Variants in BAHCC1 observed in about 807,000 individuals in gnomAD.
BAHCC1 encodes BAH and coiled-coil domain-containing protein 1.
A neutral mutation model predicts 88.2 loss-of-function variants in BAHCC1; 43 were observed. That is an observed-to-expected ratio of 0.49 (90% CI 0.38 to 0.63). BAHCC1 has a LOEUF of 0.63. Ranked by LOEUF, BAHCC1 falls within the 20% of genes least tolerant of loss-of-function variation. The pLI is 0.00. For synonymous variants in BAHCC1, 1,510 were observed against 745.5 expected, an observed-to-expected ratio of 2.03 and a Z score of -16.71; for missense variants, 3,023 against 1,654.8, an observed-to-expected ratio of 1.83 and a Z score of -14.34.
intron 2 of BAHCC1, among the ~76,000 whole-genome samples, chr17:81,419,210 G>GGTTGTTTT (rs2064081766): frequency 6.6e-6 from 1 of 152,202 alleles, no homozygotes; most frequent in African/African-American, 2.4e-5. Context: ...CCTGGTGCGG[G>GGTTGTTTT]CGGAGGTCCC....
At position 81,459,361 on chromosome 17, in the gene BAHCC1, G is replaced by T. The variant is rs1444401589; in HGVS notation, c.5796+33G>T. Reference sequence around the variant, plus strand: ...CCGGGCCGGCCCGCCCCGGGGAGGGGCCTGGCTGGCTTGTCCCAGGACAAA... The same window carrying T: ...CCGGGCCGGCCCGCCCCGGGGAGGGTCCTGGCTGGCTTGTCCCAGGACAAA... On this transcript the variant is annotated intron_variant, in intron 22 of 27. Coordinates refer to ENST00000675386, the MANE Select transcript of BAHCC1 (RefSeq NM_001377448.1). 65 of 770,460 alleles carry T rather than the reference G, an allele frequency of 8.4e-5. 1 individual carries two copies. In the Admixed American group the frequency reaches 1.1e-3, roughly 13 times the overall value. The allele number at this position is 770,460 out of a possible 1,614,324, so 47.7% of individuals were successfully genotyped here. A position where few individuals can be genotyped will look rare whatever the true frequency, so the allele number is the denominator to read the frequency against.
intron 2 of BAHCC1, chr17:81,407,320 G>T (rs2063893318): frequency 1.9e-6 from 1 of 519,740 alleles, no homozygotes; most frequent in South Asian, 1.4e-5. Context: ...AAAAAGAGAA[G>T]CCTTAGCCAT....
Position 81,464,134 on chromosome 17 carries a change from T to G in BAHCC1, c.*317T>G, listed in dbSNP as rs2143681548. On this transcript the variant is annotated 3_prime_UTR_variant, in exon 28 of 28. Coordinates refer to ENST00000675386, the MANE Select transcript of BAHCC1 (RefSeq NM_001377448.1). ...ACGGGAGATTTGAATCCAAGCCATA[T>G]TCCCTAGTACCTCCGACTGTCTCCC... 5 of 461,210 alleles carry G rather than the reference T, an allele frequency of 1.1e-5. No homozygotes were observed. Among genetic ancestry groups the G allele is most frequent in the Non-Finnish European group, 1.6e-5 (4 of 251,024 alleles). The allele number at this position is 461,210 out of a possible 1,614,324, so 28.6% of individuals were successfully genotyped here.
intron 23 of BAHCC1, 86 bp downstream of exon 23, chr17:81,459,690 G>A (rs1178608075): frequency 2.7e-6 from 2 of 746,762 alleles, no homozygotes; most frequent in African/African-American, 3.4e-5. Flanking sequence ...GGCTTCCGAG[G>A]CTGGCGAGGG....
chr17:81,409,839 A>G (rs1261331861), intron 2 of BAHCC1, among the ~76,000 whole-genome samples: 1 of 152,162 alleles, frequency 6.6e-6, no homozygotes, highest in Admixed American at 6.5e-5. Flanking sequence ...CCTGGGACTC[A>G]TGTCACCAGG....
At chr17:81,439,756 C>A (rs1057108718) in intron 4 of BAHCC1, among the ~76,000 whole-genome samples, 2 of 151,984 alleles carry the variant, frequency 1.3e-5, no homozygotes, top group Non-Finnish European at 2.9e-5. Flanking sequence ...GCCTGGGAGG[C>A]GGACTAGACA....
At position 81,441,912 on chromosome 17, in the gene BAHCC1, C is replaced by T; in HGVS notation, c.563C>T (p.Ala188Val). The T allele has an allele frequency of 1.4e-6, 1 of 699,288 alleles. No homozygotes were observed. Among genetic ancestry groups the T allele is most frequent in the Non-Finnish European group, 2.7e-6 (1 of 374,448 alleles). 43.3% of individuals were successfully genotyped at this position (699,288 alleles called of 1,614,324 possible). A position where few individuals can be genotyped will look rare whatever the true frequency, so the allele number is the denominator to read the frequency against. The part of the protein sequence containing the change: ...NHNFPSVARA[A>V]PAHPMGSCSR... ...AACTTCCCCAGCGTGGCCCGGGCCG[C>T]CCCTGCCCACCCCATGGGCTCCTGC... is the stretch of plus-strand genomic sequence containing the variant. Residue 188 changes from alanine (A) to valine (V), a missense_variant, in exon 5 of 28, where the codon GCC becomes GTC. By Grantham distance (64) the Ala-to-Val change is moderately conservative. Transcript: ENST00000675386.
intron 1 of BAHCC1, among the ~76,000 whole-genome samples, chr17:81,398,427 C>T (rs1274306683): frequency 2.0e-5 from 3 of 152,212 alleles, no homozygotes; most frequent in Non-Finnish European, 2.9e-5. Context: ...TGTGCTGGGC[C>T]GGGCCCACCT....
chr17:81,397,846 G>C (rs910856068), intron 1 of BAHCC1, among the ~76,000 whole-genome samples: 10 of 152,242 alleles, frequency 6.6e-5, no homozygotes, highest in Non-Finnish European at 1.0e-4. Flanking sequence ...AGAACTCTTT[G>C]TGTAGACCCA....
rs2029921802 is a variant in BAHCC1, at chr17:81,458,388, TGAG to T, written c.5270_5272del (p.Glu1757del). 1 of 740,740 alleles carries T rather than the reference TGAG, an allele frequency of 1.3e-6. No homozygotes were observed. 45.9% of individuals were successfully genotyped at this position (740,740 alleles called of 1,614,324 possible). On this transcript the variant is annotated inframe_deletion, in exon 18 of 28. Coordinates refer to ENST00000675386, the MANE Select transcript of BAHCC1 (RefSeq NM_001377448.1). ...ACCCCTCTCGGGCCTTCGCCTGCCG[TGAG>T]GAGGGCAGCCAGCTGGCCAGTGAGC...
At chr17:81,454,401 C>T (rs1349528546) in intron 14 of BAHCC1, among the ~76,000 whole-genome samples, 1 of 152,170 alleles carries the variant, frequency 6.6e-6, no homozygotes, top group Admixed American at 6.5e-5. Context: ...GTCCAGGGCT[C>T]CATCTGGGAG....
In BAHCC1 at chr17:81,399,952, G is replaced by A. The variant is rs1252388415; in HGVS notation, c.178+35G>A. 1.5e-6 allele frequency: 2 copies of A among 1,302,786 alleles called. No homozygotes were observed. Among genetic ancestry groups the A allele is most frequent in the Non-Finnish European group, 2.0e-6 (2 of 1,019,968 alleles). 80.7% of individuals were successfully genotyped at this position (1,302,786 alleles called of 1,614,324 possible). A position where few individuals can be genotyped will look rare whatever the true frequency, so the allele number is the denominator to read the frequency against. On this transcript the variant is annotated intron_variant, in intron 2 of 27. Coordinates refer to ENST00000675386, the MANE Select transcript of BAHCC1 (RefSeq NM_001377448.1). This position sits in a 1 kb window ranked among gnomAD's most constrained non-coding sequence, Gnocchi z 4.5. ...CGGCCGGGGCGGGCGCGGGACGGGA[G>A]CGTTCGAGAGCGGAACAGGGCGCCC...
chr17:81,404,361 C>T (rs2063854342), intron 2 of BAHCC1, among the ~76,000 whole-genome samples: 1 of 152,352 alleles, frequency 6.6e-6, no homozygotes, highest in East Asian at 1.9e-4. Flanking sequence ...AATTTACTAG[C>T]CACTGAGCTT....
chr17:81,440,556 C>G (rs956724683), intron 4 of BAHCC1, among the ~76,000 whole-genome samples: 1 of 152,224 alleles, frequency 6.6e-6, no homozygotes, highest in African/African-American at 2.4e-5. Context: ...CACCACCCTG[C>G]TGCCCACCCA....
At chr17:81,406,942 T>C (rs1326018168) in intron 2 of BAHCC1, 2 of 456,054 alleles carry the variant, frequency 4.4e-6, no homozygotes, top group African/African-American at 2.0e-5. Flanking sequence ...AGGAAGTGGG[T>C]TTTTTTCATT....
chr17:81,432,965 C>T (rs1325881112), intron 3 of BAHCC1, among the ~76,000 whole-genome samples: 1 of 138,834 alleles, frequency 7.2e-6, no homozygotes, highest in South Asian at 2.5e-4. Context: ...TGCCTGGATC[C>T]TGGGCAGGCT....
Position 81,442,469 on chromosome 17 carries a change from G to C in BAHCC1, c.1120G>C (p.Asp374His), listed in dbSNP as rs1555652833. 1.4e-6 allele frequency: 1 copy of C among 719,974 alleles called. No individual in the cohort carries two copies. Among genetic ancestry groups the C allele is most frequent in the Non-Finnish European group, 2.6e-6 (1 of 388,482 alleles). 44.6% of individuals were successfully genotyped at this position (719,974 alleles called of 1,614,324 possible). Reference sequence around the variant, plus strand: ...CTGCCTGCAGCTGCACGGGGGCCCTGACGGGCTCTGCCCGCTGCAGGACAA... The same window carrying C: ...CTGCCTGCAGCTGCACGGGGGCCCTCACGGGCTCTGCCCGCTGCAGGACAA... Reference protein sequence around the residue: ...FPCLQLHGGPDGLCPLQDKAP... With the variant: ...FPCLQLHGGPHGLCPLQDKAP... The change falls in exon 5 of 28, where the codon GAC becomes CAC. Residue 374 changes from aspartate to histidine, a missense_variant. Physicochemically the swap from Asp to His is moderately conservative, Grantham distance 81. Coordinates refer to ENST00000675386, the MANE Select transcript of BAHCC1 (RefSeq NM_001377448.1).
At chr17:81,413,216 C>T (rs1230347170) in intron 2 of BAHCC1, 1 of 292,896 alleles carries the variant, frequency 3.4e-6, no homozygotes, top group Non-Finnish European at 6.9e-6. Context: ...CTGACCATGC[C>T]CCCCCCGGGC....
chr17:81,430,201 G>C (rs1426959922), intron 3 of BAHCC1, among the ~76,000 whole-genome samples: 1 of 152,114 alleles, frequency 6.6e-6, no homozygotes, highest in African/African-American at 2.4e-5. Flanking sequence ...CAGCAGGCCT[G>C]GTCCCCTCCC....
Sources: allele counts gnomAD v4.1 joint callset (sites outside exome capture counted in the v4.1 genomes callset), GRCh38; gene constraint gnomAD v4.1.1; non-coding constraint Gnocchi (gnomAD v3.1); transcripts MANE v1.5; gene names NCBI Gene and HGNC (gene_info 2026-07-23, HGNC 2026-07-21).